PLCB4: variants seen among roughly 807,000 people sequenced by gnomAD.
The protein encoded by PLCB4 is phospholipase C beta 4, also known as 1-phosphatidylinositol 4,5-bisphosphate phosphodiesterase beta-4.
Under a neutral mutation model 178.8 loss-of-function variants are expected in PLCB4, and 77 were observed. The ratio of observed to expected loss-of-function variants is 0.43; its 90% confidence interval spans 0.36 to 0.52. The LOEUF (loss-of-function observed/expected upper bound fraction) is 0.52. PLCB4 is among the 20% of genes least tolerant of loss of function. The probability of loss-of-function intolerance (pLI) is 0.00; values close to 1 mark genes in which losing one functional copy is unlikely to be tolerated. For synonymous variants in PLCB4, 496 were observed against 490.8 expected, an observed-to-expected ratio of 1.01 and a Z score of -0.14; for missense variants, 1,024 against 1,453.4, an observed-to-expected ratio of 0.70 and a Z score of 4.80.
At chr20:9,378,695 T>C (rs2036886256) in intron 12 of PLCB4, among the ~76,000 whole-genome samples, 1 of 152,206 alleles carries the variant, frequency 6.6e-6, no homozygotes. Context: ...TTGTGAGCCA[T>C]AATTTCTTAG....
At chr20:9,113,010 G>A (rs1426096562) in intron 2 of PLCB4, among the ~76,000 whole-genome samples, 1 of 152,110 alleles carries the variant, frequency 6.6e-6, no homozygotes, top group Non-Finnish European at 1.5e-5. Context: ...AGCAGCTAAA[G>A]GGAGACATTA....
At chr20:9,275,641 G>A (rs1426444278) in intron 3 of PLCB4, among the ~76,000 whole-genome samples, 1 of 151,906 alleles carries the variant, frequency 6.6e-6, no homozygotes, top group Non-Finnish European at 1.5e-5. Context: ...TTTTGATAGG[G>A]AGCAATTCCA....
chr20:9,159,274 T>G (rs2146971013), intron 2 of PLCB4, among the ~76,000 whole-genome samples: 1 of 152,290 alleles, frequency 6.6e-6, no homozygotes, highest in East Asian at 1.9e-4. Flanking sequence ...TGACAGATAC[T>G]TATTGGTTGA....
At chr20:9,082,747 T>C (rs552172089) in intron 1 of PLCB4, among the ~76,000 whole-genome samples, 1 of 152,294 alleles carries the variant, frequency 6.6e-6, no homozygotes, top group African/African-American at 2.4e-5. Flanking sequence ...GGCCCCATTC[T>C]GTCCATTTTT....
chr20:9,243,254 T>A (rs2147428719), intron 3 of PLCB4, among the ~76,000 whole-genome samples: 1 of 152,318 alleles, frequency 6.6e-6, no homozygotes, highest in East Asian at 1.9e-4. Flanking sequence ...ATTAACTTGA[T>A]GAACCCAGAG....
chr20:9,076,472 A>C (rs2089872609), intron 1 of PLCB4, among the ~76,000 whole-genome samples: 1 of 152,156 alleles, frequency 6.6e-6, no homozygotes, highest in South Asian at 2.1e-4. Flanking sequence ...GTCTCAAAAA[A>C]TAAATAAATA....
chr20:9,257,541 A>T (rs1394882765), intron 3 of PLCB4, among the ~76,000 whole-genome samples: 1 of 152,192 alleles, frequency 6.6e-6, no homozygotes, highest in African/African-American at 2.4e-5. Context: ...AGAAAGCCAA[A>T]TTTTAATCCA....
At chr20:9,186,866 G>C (rs2093336119) in intron 2 of PLCB4, among the ~76,000 whole-genome samples, 1 of 152,154 alleles carries the variant, frequency 6.6e-6, no homozygotes, top group Admixed American at 6.5e-5. Flanking sequence ...TTCTGCCTCT[G>C]ATGGTTTGCC....
At chr20:9,471,595 A>G (rs562763995) in intron 36 of PLCB4, among the ~76,000 whole-genome samples, 1 of 152,374 alleles carries the variant, frequency 6.6e-6, no homozygotes, top group African/African-American at 2.4e-5. Context: ...AAACCTGAAC[A>G]GACTGGCAAT....
Position 9,443,986 on chromosome 20 carries a change from G to A in PLCB4, c.2770G>A (p.Glu924Lys), listed in dbSNP as rs1309835742. The change falls in exon 31 of 40, where the codon GAA becomes AAA. Residue 924 changes from glutamate to lysine, a missense_variant. Glu to Lys is a moderately conservative substitution (Grantham distance 56). This residue lies in a region of PLCB4 where 227 missense variants were observed against 374.3 expected (regional missense o/e 0.61). Transcript: ENST00000378473. ...AATTTTTTTTGTTTGTTTAGGTATT[G>A]AACTTATCCCTCAAGTAAGGATAGA... is the stretch of plus-strand genomic sequence containing the variant. ...ASGVEAKKGI[E>K]LIPQVRIEDL... 1.3e-6 allele frequency: 2 copies of A among 1,581,394 alleles called. No homozygotes were observed. Among genetic ancestry groups the A allele is most frequent in the Non-Finnish European group, 1.7e-6 (2 of 1,157,940 alleles).
At chr20:9,410,938 G>A in intron 24 of PLCB4, 99 bp from the exon 25 acceptor site, 1 of 783,072 alleles carries the variant, frequency 1.3e-6, no homozygotes, top group Non-Finnish European at 2.2e-6. Flanking sequence ...GGGACCTGTG[G>A]GCCTAGGAGC....
chr20:9,360,779 C>T (rs1208918064), intron 7 of PLCB4, among the ~76,000 whole-genome samples: 1 of 152,184 alleles, frequency 6.6e-6, no homozygotes, highest in African/African-American at 2.4e-5. Context: ...CTTCAGAATC[C>T]TGACCCCACT....
At chr20:9,148,048 T>A (rs1231124476) in intron 2 of PLCB4, among the ~76,000 whole-genome samples, 2 of 151,974 alleles carry the variant, frequency 1.3e-5, no homozygotes, top group Non-Finnish European at 2.9e-5. Context: ...GAAGAGAGAG[T>A]TCATCTGGGT....
intron 27 of PLCB4, 42 bp from the exon 28 acceptor site, chr20:9,423,706 G>A (rs748639351): frequency 1.4e-5 from 20 of 1,479,108 alleles, no homozygotes; most frequent in Admixed American, 3.4e-5. Context: ...GTTCTTGGGC[G>A]CTGCATTGGA....
At chr20:9,105,585 A>T (rs1555823791) in intron 2 of PLCB4, among the ~76,000 whole-genome samples, 1 of 152,136 alleles carries the variant, frequency 6.6e-6, no homozygotes, top group Non-Finnish European at 1.5e-5. Flanking sequence ...TAAGTCAATG[A>T]TGATTGAACA....
intron 24 of PLCB4, among the ~76,000 whole-genome samples, chr20:9,410,256 G>A (rs752867866): frequency 6.6e-5 from 10 of 152,156 alleles, no homozygotes; most frequent in Admixed American, 2.6e-4. Context: ...AGGTTAGACT[G>A]TGACGTGATA....
At position 9,069,094 on chromosome 20, in the gene PLCB4, GACACAC is replaced by G. The variant is rs1030158186; in HGVS notation, c.-242_-237del. ...CCGCCAACAAGATCTCTCACACACA[GACACAC>G]ACACGCACACGCACACACGGGCGCG... On this transcript the variant is annotated 5_prime_UTR_variant, in exon 1 of 40. Coordinates refer to ENST00000378473, the MANE Select transcript of PLCB4 (RefSeq NM_001377142.1). The G allele has an allele frequency of 1.3e-5, 2 of 152,988 alleles. No homozygotes were observed. The highest frequency in any genetic ancestry group is 6.5e-5 in the Admixed American group (1 of 15,282). The allele number at this position is 152,988 out of a possible 1,614,324, so 9.5% of individuals were successfully genotyped here.
chr20:9,175,377 A>G (rs191332226), intron 2 of PLCB4, among the ~76,000 whole-genome samples: 10 of 152,296 alleles, frequency 6.6e-5, no homozygotes, highest in Non-Finnish European at 1.5e-4. Context: ...AATAAACTAC[A>G]TTCTCCAAAT....
chr20:9,312,353 TACACACACACACACACACACACACACAC>T (rs34443371), intron 4 of PLCB4, among the ~76,000 whole-genome samples: 1 of 127,866 alleles, frequency 7.8e-6, no homozygotes, highest in East Asian at 2.4e-4. Flanking sequence ...CCTTCCACCC[TACACACACACACACACACACACACACAC>T]ACACACACAC....
Sources: allele counts gnomAD v4.1 joint callset (sites outside exome capture counted in the v4.1 genomes callset), GRCh38; gene constraint gnomAD v4.1.1; regional missense constraint gnomAD v4.1.1; transcripts MANE v1.5; gene names NCBI Gene and HGNC (gene_info 2026-07-23, HGNC 2026-07-21).